AJAP1: variants seen among roughly 807,000 people sequenced by gnomAD.
The protein encoded by AJAP1 is adherens junctions associated protein 1.
In AJAP1, 5 loss-of-function variants were observed where a neutral mutation model predicts 35.0. The observed-to-expected ratio is 0.14, with a 90% CI of 0.07 to 0.30. The LOEUF is 0.30. AJAP1 is among the 10% of genes least tolerant of loss of function. The pLI is 1.00. For missense variants in AJAP1, 586 were observed against 571.0 expected, an observed-to-expected ratio of 1.03 and a Z score of -0.27; for synonymous variants, 284 against 249.3, an observed-to-expected ratio of 1.14 and a Z score of -1.31.
At chr1:4,728,292 AC>A (rs1557628717) in intron 2 of AJAP1, among the ~76,000 whole-genome samples, 4 of 151,334 alleles carry the variant, frequency 2.6e-5, no homozygotes, top group Admixed American at 1.3e-4. Flanking sequence ...GCCCCAGCGG[AC>A]CCTGGCTGAG....
At chr1:4,762,272 C>T (rs1641582690) in intron 2 of AJAP1, among the ~76,000 whole-genome samples, 1 of 152,210 alleles carries the variant, frequency 6.6e-6, no homozygotes, top group Non-Finnish European at 1.5e-5. Context: ...AATGTCCTTG[C>T]CCCCAATTCC....
chr1:4,778,189 C>A (rs3753732), intron 5 of AJAP1, among the ~76,000 whole-genome samples: 12,798 of 152,216 alleles, frequency 0.084, 626 homozygotes, highest in Middle Eastern at 0.23. Context: ...TCCCAGATCC[C>A]GATCTGGAAG....
chr1:4,711,663 C>G (rs544055577), intron 1 of AJAP1, among the ~76,000 whole-genome samples: 1 of 152,210 alleles, frequency 6.6e-6, no homozygotes, highest in Non-Finnish European at 1.5e-5. Flanking sequence ...GCCTCAGCCC[C>G]GCGGTGCCGG....
At chr1:4,688,598 C>T (rs990062123) in intron 1 of AJAP1, among the ~76,000 whole-genome samples, 2 of 152,028 alleles carry the variant, frequency 1.3e-5, no homozygotes, top group Non-Finnish European at 2.9e-5. Flanking sequence ...TATGGTGAAA[C>T]CCCATCTCTA....
At chr1:4,675,692 G>GC (rs1214417608) in intron 1 of AJAP1, among the ~76,000 whole-genome samples, 2 of 152,194 alleles carry the variant, frequency 1.3e-5, no homozygotes, top group Non-Finnish European at 2.9e-5. Flanking sequence ...GCCCAGAGAT[G>GC]CCTTCCAGGA....
At chr1:4,711,834 C>G in intron 1 of AJAP1, 66 bp from the exon 2 acceptor site, 1 of 1,297,484 alleles carries the variant, frequency 7.7e-7, no homozygotes, top group Non-Finnish European at 1.0e-6. Flanking sequence ...AGAGAGAGGG[C>G]CCCGGGGCCC....
intron 2 of AJAP1, among the ~76,000 whole-genome samples, chr1:4,738,433 A>G (rs923244343): frequency 5.3e-5 from 8 of 152,156 alleles, no homozygotes; most frequent in African/African-American, 1.9e-4. Flanking sequence ...GAGGGTGATT[A>G]GGGGGTAGCT....
chr1:4,694,179 C>CCAGTCTG (rs3086606), intron 1 of AJAP1, among the ~76,000 whole-genome samples: 60,416 of 151,444 alleles, frequency 0.4, 12,283 homozygotes, highest in South Asian at 0.55. Flanking sequence ...GGCACGGGTG[C>CCAGTCTG]CAGTCTGCAC....
rs1001409059 is a variant in AJAP1 at position 4,719,845 on chromosome 1, G to C, written c.829+7146G>C. ...AGGTGCGCCCCTTCCCTCCCTGCCG[G>C]TGTCCACAGTTGGCTGTCCTTGGGG... is the stretch of plus-strand genomic sequence containing the variant. On this transcript the variant is annotated intron_variant, in intron 2 of 5. Coordinates refer to ENST00000378191, the MANE Select transcript of AJAP1 (RefSeq NM_018836.4). 5.3e-5 allele frequency among the ~76,000 whole-genome samples: 8 copies of C among 152,308 alleles called. 1 individual carries two copies. The South Asian group carries it at 6.2e-4, about 12-fold the overall frequency.
intron 2 of AJAP1, among the ~76,000 whole-genome samples, chr1:4,724,281 A>T (rs570393622): frequency 6.6e-6 from 1 of 152,206 alleles, no homozygotes; most frequent in Non-Finnish European, 1.5e-5. Flanking sequence ...GAGGTCTGAC[A>T]TGAGAGGAGG....
chr1:4,756,308 A>G (rs1002661156), intron 2 of AJAP1, among the ~76,000 whole-genome samples: 2 of 152,202 alleles, frequency 1.3e-5, no homozygotes, highest in Non-Finnish European at 2.9e-5. Flanking sequence ...TGAAATGACT[A>G]TGTCCGCACC....
chr1:4,669,746 T>G (rs1417723730), intron 1 of AJAP1, among the ~76,000 whole-genome samples: 1 of 152,168 alleles, frequency 6.6e-6, no homozygotes, highest in Non-Finnish European at 1.5e-5. Flanking sequence ...GCATCAGTAC[T>G]TCACTCCTTT....
intron 2 of AJAP1, among the ~76,000 whole-genome samples, chr1:4,767,807 G>A (rs1198029246): frequency 6.6e-6 from 1 of 152,206 alleles, no homozygotes; most frequent in Admixed American, 6.5e-5. Flanking sequence ...TACGCTTTGT[G>A]ACAGCATGGC....
chr1:4,712,428 G>T lies in AJAP1; in HGVS notation c.558G>T (p.Thr186=), dbSNP rs759044827. Residue 186 remains threonine, a synonymous_variant, in exon 2 of 6, where the codon ACG becomes ACT. Transcript: ENST00000378191. ...CTGAGTTCATCGCCTGGGGGCCCAC[G>T]GGGGACGAGGAGGCCCTGGAGTCCA... The part of the protein sequence containing the change: ...TETEFIAWGP[T]GDEEALESNT... 3.1e-6 allele frequency: 5 copies of T among 1,603,032 alleles called. No homozygotes were observed. The highest frequency in any genetic ancestry group is 4.3e-6 in the Non-Finnish European group (5 of 1,175,022).
At chr1:4,668,015 GA>G (rs1639171628) in intron 1 of AJAP1, among the ~76,000 whole-genome samples, 1 of 152,160 alleles carries the variant, frequency 6.6e-6, no homozygotes, top group Non-Finnish European at 1.5e-5. Flanking sequence ...AGGAGTTCAA[GA>G]CCAGCCTGGC....
At position 4,736,207 on chromosome 1, in the gene AJAP1, C is replaced by T. The variant is rs1640919667; in HGVS notation, c.829+23508C>T. Among the ~76,000 whole-genome samples, 2 of 152,246 alleles carry T rather than the reference C, an allele frequency of 1.3e-5. 1 individual carries two copies. The highest frequency in any genetic ancestry group is 4.1e-4 in the South Asian group (2 of 4,830). On this transcript the variant is annotated intron_variant, in intron 2 of 5. Transcript: ENST00000378191. ...AATAGTTTTCACATAGTTGCCCCATCAGTTCTCCTAAACCACAGCTCTGAT... is the reference window on the plus strand; with the variant it reads ...AATAGTTTTCACATAGTTGCCCCATTAGTTCTCCTAAACCACAGCTCTGAT...
intron 1 of AJAP1, among the ~76,000 whole-genome samples, chr1:4,673,879 TC>T (rs1393534571): frequency 6.6e-6 from 1 of 151,732 alleles, no homozygotes; most frequent in East Asian, 1.9e-4. Context: ...GAGCGAGAAG[TC>T]AGGGTCTCCG....
chr1:4,694,927 G>C (rs758854251), intron 1 of AJAP1, among the ~76,000 whole-genome samples: 1 of 152,198 alleles, frequency 6.6e-6, no homozygotes, highest in Non-Finnish European at 1.5e-5. Context: ...GGATTATGGG[G>C]AGCCAGGATG....
intron 1 of AJAP1, among the ~76,000 whole-genome samples, chr1:4,666,196 G>A (rs1029516074): frequency 3.3e-5 from 5 of 149,618 alleles, no homozygotes; most frequent in Admixed American, 1.3e-4. Context: ...AGGCTCCTCC[G>A]GCCCACCCAG....
Sources: allele counts gnomAD v4.1 joint callset (sites outside exome capture counted in the v4.1 genomes callset), GRCh38; gene constraint gnomAD v4.1.1; transcripts MANE v1.5; gene names NCBI Gene and HGNC (gene_info 2026-07-23, HGNC 2026-07-21).